Variants in LRGUK observed in about 807,000 individuals in gnomAD.
LRGUK encodes leucine-rich repeat and guanylate kinase domain-containing protein.
LRGUK carries 65 observed loss-of-function variants against 76.0 expected under a neutral mutation model. That is an observed-to-expected ratio of 0.85 (90% CI 0.70 to 1.05). LRGUK has a LOEUF of 1.05. LRGUK is among the 50% of genes least tolerant of loss of function. The pLI is 0.00. For synonymous variants in LRGUK, 268 were observed against 265.6 expected, an observed-to-expected ratio of 1.01 and a Z score of -0.09; for missense variants, 758 against 732.8, an observed-to-expected ratio of 1.03 and a Z score of -0.40.
At chr7:134,237,584 C>T (rs1357985153) in intron 16 of LRGUK, among the ~76,000 whole-genome samples, 1 of 152,134 alleles carries the variant, frequency 6.6e-6, no homozygotes, top group Non-Finnish European at 1.5e-5. Context: ...TCTTTCATAG[C>T]TGTCTTTCTG....
exon 18 of LRGUK, chr7:134,249,074 G>T: frequency 6.4e-7 from 1 of 1,560,862 alleles, no homozygotes; most frequent in South Asian, 1.2e-5. Flanking sequence ...ATCCTGAAAA[G>T]AGGTGAGTTG....
At chr7:134,230,744 T>G (rs1161926426) in intron 16 of LRGUK, among the ~76,000 whole-genome samples, 2 of 152,218 alleles carry the variant, frequency 1.3e-5, no homozygotes, top group African/African-American at 2.4e-5. Context: ...GCGCTATACA[T>G]GCAATCTGAT....
intron 18 of LRGUK, among the ~76,000 whole-genome samples, chr7:134,250,048 C>A (rs761582204): frequency 5.3e-5 from 8 of 152,026 alleles, no homozygotes; most frequent in Non-Finnish European, 1.0e-4. Flanking sequence ...GACAGCGAAC[C>A]AAGTGGAAAA....
intron 16 of LRGUK, among the ~76,000 whole-genome samples, chr7:134,224,259 C>T (rs539897790): frequency 1.1e-3 from 173 of 152,344 alleles, no homozygotes; most frequent in Non-Finnish European, 2.2e-3. Context: ...TGCACCCTGA[C>T]AATCAGAGGC....
At chr7:134,172,507 G>A (rs1166974026) in intron 7 of LRGUK, among the ~76,000 whole-genome samples, 1 of 152,128 alleles carries the variant, frequency 6.6e-6, no homozygotes, top group Non-Finnish European at 1.5e-5. Flanking sequence ...CCCTTGAAGT[G>A]GGAGAACTGG....
At chr7:134,162,546 G>A (rs1798792097) in intron 6 of LRGUK, among the ~76,000 whole-genome samples, 1 of 152,144 alleles carries the variant, frequency 6.6e-6, no homozygotes. Context: ...GGGGACCACG[G>A]CCAGGTGCAG....
At chr7:134,250,129 T>C (rs890083075) in intron 18 of LRGUK, among the ~76,000 whole-genome samples, 10 of 152,186 alleles carry the variant, frequency 6.6e-5, no homozygotes, top group African/African-American at 2.2e-4. Context: ...GTAATGGACA[T>C]ACAAAGTGAC....
chr7:134,129,939 A>C (rs1037788532), intron 1 of LRGUK, among the ~76,000 whole-genome samples: 3 of 151,434 alleles, frequency 2.0e-5, no homozygotes, highest in Admixed American at 6.6e-5. Flanking sequence ...ATTTCTTCTT[A>C]TTCTCCCTTC....
intron 9 of LRGUK, among the ~76,000 whole-genome samples, chr7:134,178,210 G>T (rs1050937170): frequency 2.0e-5 from 3 of 151,988 alleles, no homozygotes; most frequent in Non-Finnish European, 4.4e-5. Flanking sequence ...TTGTTTGGTG[G>T]TTTTTTTGTG....
intron 19 of LRGUK, among the ~76,000 whole-genome samples, chr7:134,259,969 C>T (rs1431125667): frequency 1.3e-5 from 2 of 152,090 alleles, no homozygotes; most frequent in African/African-American, 4.8e-5. Context: ...TGCTTAGGGT[C>T]AAATACCTTA....
intron 7 of LRGUK, among the ~76,000 whole-genome samples, chr7:134,167,550 T>C (rs1414114201): frequency 6.6e-6 from 1 of 152,144 alleles, no homozygotes; most frequent in Non-Finnish European, 1.5e-5. Flanking sequence ...TCTGACTTGG[T>C]TAGGCCAGCT....
At chr7:134,132,237 C>A (rs1370336180) in intron 1 of LRGUK, among the ~76,000 whole-genome samples, 4 of 152,218 alleles carry the variant, frequency 2.6e-5, no homozygotes, top group African/African-American at 9.6e-5. Flanking sequence ...CACCTGTAGT[C>A]CCAGCTACTT....
intron 13 of LRGUK, among the ~76,000 whole-genome samples, chr7:134,198,697 C>G (rs148690492): frequency 9.9e-5 from 15 of 152,238 alleles, no homozygotes; most frequent in Non-Finnish European, 1.8e-4. Flanking sequence ...GTTCCTTACA[C>G]AGTTCCATGC....
intron 18 of LRGUK, among the ~76,000 whole-genome samples, chr7:134,252,465 A>G (rs1170576120): frequency 2.6e-5 from 4 of 152,188 alleles, no homozygotes; most frequent in Non-Finnish European, 5.9e-5. Flanking sequence ...CCAAGATGGT[A>G]AGATGGACCT....
At chr7:134,142,190 A>G (rs547055341) in intron 3 of LRGUK, among the ~76,000 whole-genome samples, 1 of 152,276 alleles carries the variant, frequency 6.6e-6, no homozygotes, top group East Asian at 1.9e-4. Flanking sequence ...ATGATCTAGA[A>G]TCTAGAACGA....
chr7:134,153,160 A>G (rs1306130382), intron 5 of LRGUK, among the ~76,000 whole-genome samples: 1 of 152,100 alleles, frequency 6.6e-6, no homozygotes, highest in Non-Finnish European at 1.5e-5. Flanking sequence ...CTATGTAAAA[A>G]TTTAAAAACC....
intron 5 of LRGUK, among the ~76,000 whole-genome samples, chr7:134,150,365 G>C (rs1431413559): frequency 6.6e-6 from 1 of 152,058 alleles, no homozygotes; most frequent in Non-Finnish European, 1.5e-5. Context: ...AGGAGGCTGA[G>C]GCAAGAGAAT....
chr7:134,208,327 A>G (rs978725328), intron 15 of LRGUK, among the ~76,000 whole-genome samples: 1 of 152,230 alleles, frequency 6.6e-6, no homozygotes, highest in Non-Finnish European at 1.5e-5. Context: ...TCCATCCTCT[A>G]GTTTCTACCA....
downstream of LRGUK, among the ~76,000 whole-genome samples, chr7:134,268,288 T>G (rs1042940217): frequency 6.6e-6 from 1 of 152,128 alleles, no homozygotes; most frequent in Non-Finnish European, 1.5e-5. Flanking sequence ...AAATAGGGGA[T>G]GAAACTACAG....
Sources: allele counts gnomAD v4.1 joint callset (sites outside exome capture counted in the v4.1 genomes callset), GRCh38; gene constraint gnomAD v4.1.1; transcripts MANE v1.5; gene names NCBI Gene and HGNC (gene_info 2026-07-23, HGNC 2026-07-21).